Variants in TRPM7 observed in about 807,000 individuals in gnomAD.
The protein encoded by TRPM7 is LTRPC ion channel family member 7.
A neutral mutation model predicts 229.7 loss-of-function variants in TRPM7; 134 were observed. The observed-to-expected ratio is 0.58, with a 90% CI of 0.51 to 0.67. The LOEUF is 0.67. Ranked by LOEUF, TRPM7 falls within the 30% of genes least tolerant of loss-of-function variation. The pLI, the probability that TRPM7 is intolerant of heterozygous loss-of-function variation, is 0.00. For missense variants in TRPM7, 1,901 were observed against 2,210.0 expected (o/e 0.86, Z 2.80); for synonymous variants, 699 against 715.2 (o/e 0.98, Z 0.36).
intron 2 of TRPM7, among the ~76,000 whole-genome samples, chr15:50,660,372 A>G (rs2061692581): frequency 1.3e-5 from 2 of 152,166 alleles, no homozygotes; most frequent in South Asian, 4.1e-4. Context: ...CTGTCAACTA[A>G]AAATAAATAA....
intron 11 of TRPM7, among the ~76,000 whole-genome samples, chr15:50,625,433 T>C (rs1596238507): frequency 6.6e-6 from 1 of 152,132 alleles, no homozygotes; most frequent in Non-Finnish European, 1.5e-5. Context: ...TACTTTCTGT[T>C]TTTTTGAGAC....
chr15:50,633,870 G>A (rs1482999895), intron 8 of TRPM7, among the ~76,000 whole-genome samples: 1 of 152,182 alleles, frequency 6.6e-6, no homozygotes, highest in Non-Finnish European at 1.5e-5. Context: ...GTTCCATGAA[G>A]ATGGTTTTAT....
intron 15 of TRPM7, 123 bp downstream of exon 15, chr15:50,613,584 G>T: frequency 3.0e-6 from 2 of 676,440 alleles, no homozygotes; most frequent in Non-Finnish European, 4.3e-6. Context: ...ACAATTCTAG[G>T]ACATATCCAA....
At chr15:50,659,796 T>C (rs2061681089) in intron 2 of TRPM7, among the ~76,000 whole-genome samples, 1 of 152,072 alleles carries the variant, frequency 6.6e-6, no homozygotes, top group Admixed American at 6.6e-5. Context: ...GCCTCCCAAG[T>C]AGCTGGGATT....
In TRPM7 at chr15:50,575,096, G is replaced by A. The variant is rs1399450479; in HGVS notation, c.4775C>T (p.Pro1592Leu). ...AGACATGCTGTTATTTAGTATGTTG[G>A]GTGAACTCTCTTCCAAACGATACAC... ...VTVYRLEESS[P>L]NILNNSMSSW... The change falls in exon 34 of 39, where the codon CCC (proline) becomes CTC (leucine). Residue 1592 changes from proline to leucine, a missense_variant. Coordinates refer to ENST00000646667, the MANE Select transcript of TRPM7 (RefSeq NM_017672.6). 6.2e-6 allele frequency: 10 copies of A among 1,613,538 alleles called. No individual in the cohort carries two copies. Among genetic ancestry groups the A allele is most frequent in the Non-Finnish European group, 6.8e-6 (8 of 1,179,706 alleles).
chr15:50,593,891 A>G, intron 24 of TRPM7, 142 bp from the exon 25 acceptor site: 1 of 763,066 alleles, frequency 1.3e-6, no homozygotes, highest in East Asian at 2.7e-5. Flanking sequence ...ATGCTTCTAA[A>G]GCACTAGACA....
At chr15:50,651,101 T>C (rs535798825) in intron 3 of TRPM7, among the ~76,000 whole-genome samples, 1 of 152,044 alleles carries the variant, frequency 6.6e-6, no homozygotes, top group Non-Finnish European at 1.5e-5. Context: ...ATGGGAGGAC[T>C]GCTTGAGCCC....
chr15:50,652,328 C>CAAAAAAAAAAAAAAAAAAAAAAA (rs34122648), intron 3 of TRPM7, among the ~76,000 whole-genome samples: 2 of 34,226 alleles, frequency 5.8e-5, no homozygotes, highest in Non-Finnish European at 9.4e-5. Flanking sequence ...GACTCCATCT[C>CAAAAAAAAAAAAAAAAAAAAAAA]AAAAAAAAAA....
chr15:50,596,450 A>AG, intron 22 of TRPM7, 69 bp from the exon 23 acceptor site: 1 of 1,166,910 alleles, frequency 8.6e-7, no homozygotes, highest in Non-Finnish European at 1.2e-6. Flanking sequence ...ACTGCTATTC[A>AG]TGAGTGTTTC....
At chr15:50,683,216 T>A (rs1193759553) in intron 1 of TRPM7, among the ~76,000 whole-genome samples, 2 of 136,764 alleles carry the variant, frequency 1.5e-5, no homozygotes, top group Admixed American at 8.1e-5. Flanking sequence ...GCATTTGACA[T>A]TTAACAGGCA....
chr15:50,602,060 G>A (rs1023294211), intron 21 of TRPM7, among the ~76,000 whole-genome samples: 1 of 151,278 alleles, frequency 6.6e-6, no homozygotes, highest in Non-Finnish European at 1.5e-5. Flanking sequence ...TATAAATCAT[G>A]CTACTATAAA....
chr15:50,591,787 T>G, intron 26 of TRPM7, 124 bp downstream of exon 26: 1 of 754,602 alleles, frequency 1.3e-6, no homozygotes, highest in Non-Finnish European at 1.9e-6. Context: ...TGTCTGATTC[T>G]TTTTAAAAAT....
chr15:50,603,384 G>T (rs2059831076), intron 21 of TRPM7, among the ~76,000 whole-genome samples: 1 of 151,776 alleles, frequency 6.6e-6, no homozygotes, highest in South Asian at 2.1e-4. Flanking sequence ...TGTTACATAT[G>T]TATACATGTG....
rs777328338 is a variant in TRPM7 at position 50,609,980 on chromosome 15, A to C, written c.2281-19T>G. 10 of 1,520,732 alleles carry C rather than the reference A, an allele frequency of 6.6e-6. No individual in the cohort carries two copies. Among genetic ancestry groups the C allele is most frequent in the Non-Finnish European group, 8.9e-6 (10 of 1,124,314 alleles). 94.2% of individuals were successfully genotyped at this position (1,520,732 alleles called of 1,614,324 possible). ...GTATGACCTAAATTTTTAGAAACAT[A>C]ATTTTGCATTTAAAAATTAATGACC... On this transcript the variant is annotated intron_variant, in intron 17 of 38. Coordinates refer to ENST00000646667, the MANE Select transcript of TRPM7 (RefSeq NM_017672.6).
At chr15:50,613,916 T>C in intron 14 of TRPM7, 75 bp from the exon 15 acceptor site, 1 of 1,531,184 alleles carries the variant, frequency 6.5e-7, no homozygotes, top group Non-Finnish European at 8.8e-7. Context: ...AATCAATTTA[T>C]ATATGTGTGC....
chr15:50,636,339 C>A (rs576919435), intron 7 of TRPM7, among the ~76,000 whole-genome samples: 2 of 151,978 alleles, frequency 1.3e-5, no homozygotes, highest in African/African-American at 4.8e-5. Flanking sequence ...TACAAGCACA[C>A]GCCACCACGC....
chr15:50,627,798 T>C (rs1034352569), intron 11 of TRPM7, among the ~76,000 whole-genome samples: 1 of 152,124 alleles, frequency 6.6e-6, no homozygotes, highest in African/African-American at 2.4e-5. Context: ...TCTTAGAAAC[T>C]AGGAAGAAGT....
intron 1 of TRPM7, among the ~76,000 whole-genome samples, chr15:50,681,401 C>A (rs547521968): frequency 7.9e-5 from 12 of 152,074 alleles, no homozygotes; most frequent in Non-Finnish European, 1.5e-4. Flanking sequence ...CTTCCGGGTA[C>A]TGGGTATGAT....
intron 22 of TRPM7, among the ~76,000 whole-genome samples, chr15:50,597,773 G>A (rs1036267849): frequency 1.3e-5 from 2 of 151,966 alleles, no homozygotes; most frequent in Non-Finnish European, 1.5e-5. Context: ...CAAAAAACTA[G>A]CCAGGCATGA....
Sources: gnomAD v4.1 joint callset for allele counts (sites outside exome capture counted in the v4.1 genomes callset) on GRCh38, gnomAD v4.1.1 for gene constraint, MANE v1.5 for transcripts, NCBI Gene and HGNC (gene_info 2026-07-23, HGNC 2026-07-21) for gene names.